DAB1: variants seen among roughly 807,000 people sequenced by gnomAD.
DAB1 encodes disabled homolog 1.
In DAB1, 15 loss-of-function variants were observed where a neutral mutation model predicts 64.6. The ratio of observed to expected loss-of-function variants is 0.23; its 90% CI spans 0.16 to 0.36. The LOEUF is 0.36. Among genes scored for constraint, DAB1 ranks in the 10% least tolerant of loss-of-function variants. The pLI is 1.00. For missense variants in DAB1, 596 were observed against 706.7 expected (o/e 0.84, Z 1.78); for synonymous variants, 235 against 251.9 (o/e 0.93, Z 0.64).
intron 7 of DAB1, among the ~76,000 whole-genome samples, chr1:57,540,523 T>C (rs756832204): frequency 1.3e-5 from 2 of 152,166 alleles, no homozygotes; most frequent in Non-Finnish European, 2.9e-5. Flanking sequence ...CTATTTACAA[T>C]AGCAAATATG....
At chr1:57,020,360 C>T (rs184382376) in intron 11 of DAB1, among the ~76,000 whole-genome samples, 114 of 152,334 alleles carry the variant, frequency 7.5e-4, no homozygotes, top group Admixed American at 2.7e-3. Context: ...ACCTATTTTA[C>T]AATGTGCATT....
In DAB1 at chr1:57,480,825, G is replaced by A. The variant is rs184830702; in HGVS notation, n.625+168767C>T. ...ATTCTTACAACAAATCTACTAGATA[G>A]GCATCACAGTAGCCATTCTGGAGAT... On this transcript the variant is annotated intron_variant and non_coding_transcript_variant, in intron 7 of 20. Transcript: ENST00000485760. Among the ~76,000 whole-genome samples, 3 of 152,236 alleles carry A rather than the reference G, an allele frequency of 2.0e-5. No homozygotes were observed. The South Asian group carries it at 6.2e-4, about 32-fold the overall frequency.
chr1:57,478,603 T>C (rs149987515), intron 7 of DAB1, among the ~76,000 whole-genome samples: 5,391 of 142,284 alleles, frequency 0.038, 172 homozygotes, highest in Admixed American at 0.12. Context: ...TTTTTTTTTT[T>C]TTTTTTTGAG....
At chr1:58,507,278 GA>G (rs1321586793) in intron 2 of DAB1, among the ~76,000 whole-genome samples, 1 of 151,452 alleles carries the variant, frequency 6.6e-6, no homozygotes, top group Non-Finnish European at 1.5e-5. Flanking sequence ...TTAAAACTAA[GA>G]AAAAATATAT....
intron 1 of DAB1, among the ~76,000 whole-genome samples, chr1:57,306,115 T>C (rs1342577252): frequency 6.6e-6 from 1 of 152,206 alleles, no homozygotes; most frequent in Non-Finnish European, 1.5e-5. Flanking sequence ...TTATTCCCAT[T>C]TTGTAGTGGT....
intron 5 of DAB1, among the ~76,000 whole-genome samples, chr1:58,044,582 G>A (rs1415825319): frequency 6.6e-6 from 1 of 152,056 alleles, no homozygotes; most frequent in Non-Finnish European, 1.5e-5. Context: ...TATTGACAAT[G>A]TACTGCATAT....
At chr1:58,380,235 T>A (rs919931745) in intron 3 of DAB1, among the ~76,000 whole-genome samples, 2 of 152,274 alleles carry the variant, frequency 1.3e-5, no homozygotes, top group African/African-American at 4.8e-5. Flanking sequence ...CATGGGCAAT[T>A]TCCCCCATGC....
intron 4 of DAB1, among the ~76,000 whole-genome samples, chr1:58,186,305 G>A (rs1018138297): frequency 6.6e-6 from 1 of 152,150 alleles, no homozygotes; most frequent in African/African-American, 2.4e-5. Context: ...TGTTGTTAAT[G>A]GTATAGCATC....
intron 6 of DAB1, among the ~76,000 whole-genome samples, chr1:57,760,183 C>T (rs1359404697): frequency 1.3e-5 from 2 of 152,090 alleles, no homozygotes; most frequent in African/African-American, 2.4e-5. Context: ...GCACTTGTCA[C>T]TTATGCACAG....
chr1:58,417,208 G>A (rs1441611582), intron 3 of DAB1, among the ~76,000 whole-genome samples: 3 of 152,152 alleles, frequency 2.0e-5, no homozygotes, highest in Non-Finnish European at 4.4e-5. Flanking sequence ...GGAGTCTTTG[G>A]TCACAACCAA....
intron 4 of DAB1, among the ~76,000 whole-genome samples, chr1:58,207,879 A>T (rs1658359992): frequency 6.6e-6 from 1 of 152,216 alleles, no homozygotes. Context: ...ACACTGCTAG[A>T]AGGACATACC....
intron 3 of DAB1, among the ~76,000 whole-genome samples, chr1:58,452,640 T>C (rs1197422485): frequency 2.9e-5 from 4 of 137,882 alleles, no homozygotes; most frequent in South Asian, 2.3e-4. Context: ...TGAAACCCCA[T>C]CTCTACAAAA....
At chr1:57,722,408 C>T (rs996283508) in intron 6 of DAB1, among the ~76,000 whole-genome samples, 2 of 152,134 alleles carry the variant, frequency 1.3e-5, no homozygotes, top group Non-Finnish European at 2.9e-5. Context: ...AAATACTTGG[C>T]GTATACACTA....
chr1:57,628,320 G>A (rs1645947885), intron 7 of DAB1, among the ~76,000 whole-genome samples: 1 of 152,230 alleles, frequency 6.6e-6, no homozygotes, highest in Non-Finnish European at 1.5e-5. Flanking sequence ...AGGTCGGGCT[G>A]AAGTCACAGT....
intron 4 of DAB1, among the ~76,000 whole-genome samples, chr1:58,165,857 G>C (rs1655802992): frequency 6.6e-6 from 1 of 152,118 alleles, no homozygotes; most frequent in Non-Finnish European, 1.5e-5. Context: ...ATTGATTGTG[G>C]GCTTACTGTA....
chr1:57,573,872 G>A (rs184070512), intron 7 of DAB1, among the ~76,000 whole-genome samples: 1 of 152,258 alleles, frequency 6.6e-6, no homozygotes, highest in East Asian at 1.9e-4. Flanking sequence ...CCATAAATGT[G>A]ATAAATTAAT....
At chr1:57,443,248 A>G (rs1686019551) in intron 7 of DAB1, among the ~76,000 whole-genome samples, 1 of 152,152 alleles carries the variant, frequency 6.6e-6, no homozygotes, top group South Asian at 2.1e-4. Context: ...GTGCCAGTTC[A>G]CATGTGTTTG....
At chr1:57,393,031 T>C (rs935805818) in intron 1 of DAB1, among the ~76,000 whole-genome samples, 10 of 152,230 alleles carry the variant, frequency 6.6e-5, no homozygotes, top group Non-Finnish European at 1.3e-4. Flanking sequence ...TTTCAAAATG[T>C]ATTTTTTAAA....
rs141430592 is a variant in DAB1 at position 57,128,152 on chromosome 1, AAAATAAATAAAT to A, written c.306+8379_306+8390del. Among the ~76,000 whole-genome samples the A allele has an allele frequency of 4.9e-3, 508 of 103,188 alleles. 2 individuals are homozygous for A. Among genetic ancestry groups the A allele is most frequent in the African/African-American group, 6.0e-3 (122 of 20,310 alleles). 67.7% of individuals were successfully genotyped at this position (103,188 alleles called of 152,430 possible). A position where few individuals can be genotyped will look rare whatever the true frequency, so the allele number is the denominator to read the frequency against. On this transcript the variant is annotated intron_variant, in intron 4 of 14. Transcript: ENST00000371236. ...ATAAGAGTGAGAGTCTCAAAAAATA[AAAATAAATAAAT>A]AAATAAATAAATAAATAAATAAATA...
Sources: allele counts gnomAD v4.1 joint callset (sites outside exome capture counted in the v4.1 genomes callset), GRCh38; gene constraint gnomAD v4.1.1; transcripts MANE v1.5; gene names NCBI Gene and HGNC (gene_info 2026-07-23, HGNC 2026-07-21).